Variants in ANKRD26 observed in about 807,000 individuals in gnomAD.
The protein encoded by ANKRD26 is ankyrin repeat domain-containing protein 26.
A neutral mutation model predicts 208.7 loss-of-function variants in ANKRD26; 141 were observed. The ratio of observed to expected loss-of-function variants is 0.68; its 90% CI spans 0.59 to 0.78. ANKRD26 has a LOEUF of 0.78. Ranked by LOEUF, ANKRD26 falls within the 30% of genes least tolerant of loss-of-function variation. The probability of loss-of-function intolerance (pLI) is 0.00; values close to 1 mark genes in which losing one functional copy is unlikely to be tolerated. For missense variants in ANKRD26, 1,889 were observed against 1,938.7 expected, an observed-to-expected ratio of 0.97 and a Z score of 0.48; for synonymous variants, 636 against 660.4, an observed-to-expected ratio of 0.96 and a Z score of 0.57.
At position 27,079,911 on chromosome 10, in the gene ANKRD26, A is replaced by C. The variant is rs370983649; in HGVS notation, c.741-750T>G. On this transcript the variant is annotated intron_variant, in intron 6 of 33. Coordinates refer to ENST00000376087, the MANE Select transcript of ANKRD26 (RefSeq NM_014915.3). Reference sequence around the variant, plus strand: ...GGTGGCTCATCCCTGTAATCTCAGCACTTTGGGAGGCCGAGGCGGGCAGAT... The same window carrying C: ...GGTGGCTCATCCCTGTAATCTCAGCCCTTTGGGAGGCCGAGGCGGGCAGAT... 11 of 169,696 alleles carry C rather than the reference A, an allele frequency of 6.5e-5. No homozygotes were observed. In the East Asian group the frequency reaches 1.1e-3, roughly 17 times the overall value. The allele number at this position is 169,696 out of a possible 1,614,324, so 10.5% of individuals were successfully genotyped here.
At chr10:26,981,776 C>CA (rs1250118844) in intron 4 of ANKRD26, among the ~76,000 whole-genome samples, 1 of 152,160 alleles carries the variant, frequency 6.6e-6, no homozygotes. Flanking sequence ...AGGAGTGTGT[C>CA]AGACCCAATG....
rs149004234 is a variant in ANKRD26, at chr10:27,075,447, C to G, written c.1077+1891G>C. On this transcript the variant is annotated intron_variant, in intron 9 of 33. Transcript: ENST00000376087. ...CAAAAGTGAGCAGGAGTAGCTATTCCTATATCAGATAAAACAGAGTTTAAA... is the reference window on the plus strand; with the variant it reads ...CAAAAGTGAGCAGGAGTAGCTATTCGTATATCAGATAAAACAGAGTTTAAA... Among the ~76,000 whole-genome samples the G allele has an allele frequency of 1.8e-3, 274 of 152,172 alleles. 1 individual carries two copies. The highest frequency in any genetic ancestry group is 6.2e-3 in the African/African-American group (258 of 41,546).
At chr10:26,980,445 A>G (rs2052290420) in intron 5 of ANKRD26, among the ~76,000 whole-genome samples, 1 of 152,254 alleles carries the variant, frequency 6.6e-6, no homozygotes, top group African/African-American at 2.4e-5. Context: ...GACACGGGCC[A>G]TATGACGAGT....
chr10:27,098,885 A>G (rs994571773), intron 1 of ANKRD26, among the ~76,000 whole-genome samples: 2 of 152,160 alleles, frequency 1.3e-5, no homozygotes, highest in Non-Finnish European at 2.9e-5. Flanking sequence ...TTCAGCTAAC[A>G]CAAGACCACA....
the ANKRD26 span, among the ~76,000 whole-genome samples, chr10:26,952,867 A>G: frequency 3.9e-4 from 59 of 152,306 alleles, no homozygotes; most frequent in African/African-American, 1.4e-3. Flanking sequence ...CTGCTAAAGA[A>G]CAGACTTCTC....
chr10:27,071,075 T>C (rs758149265), intron 9 of ANKRD26, among the ~76,000 whole-genome samples: 9 of 152,064 alleles, frequency 5.9e-5, no homozygotes, highest in Non-Finnish European at 1.3e-4. Flanking sequence ...ATTTGGTGTA[T>C]GCGTATGTGT....
At chr10:27,098,203 G>T (rs1284237260) in intron 1 of ANKRD26, among the ~76,000 whole-genome samples, 1 of 150,988 alleles carries the variant, frequency 6.6e-6, no homozygotes. Flanking sequence ...TAGAGACAGG[G>T]TCTTGCTATG....
At chr10:26,977,092 A>G (rs1326875814) in intron 5 of ANKRD26, among the ~76,000 whole-genome samples, 2 of 152,224 alleles carry the variant, frequency 1.3e-5, no homozygotes, top group Non-Finnish European at 2.9e-5. Context: ...AATTTGCTTA[A>G]TACCTATTCT....
chr10:26,951,144 G>T, the ANKRD26 span, among the ~76,000 whole-genome samples: 1 of 150,020 alleles, frequency 6.7e-6, no homozygotes, highest in African/African-American at 2.5e-5. Flanking sequence ...GACATGCTTT[G>T]CTCTCTGTAT....
At chr10:27,038,582 C>T (rs767416657) in intron 21 of ANKRD26, among the ~76,000 whole-genome samples, 4 of 150,490 alleles carry the variant, frequency 2.7e-5, no homozygotes, top group African/African-American at 7.3e-5. Context: ...ACCCGGGAGG[C>T]GGATGTTGCA....
chr10:27,012,932 T>A lies in ANKRD26; in HGVS notation c.4903A>T (p.Thr1635Ser). ...TTATTTGAAGCCCGTGGATTTGAGG[T>A]AGAGATCACTAAGTTTTCTCTTGGA... ...LIPRENLVISTSNPRASNNSM... is the reference protein window; with the variant it reads ...LIPRENLVISSSNPRASNNSM... The change falls in exon 32 of 34, where the codon ACC becomes TCC. Residue 1635 changes from threonine (T) to serine (S), a missense_variant. By Grantham distance (58) the Thr-to-Ser change is moderately conservative (BLOSUM62 1). Transcript: ENST00000376087. The A allele has an allele frequency of 6.2e-7, 1 of 1,614,072 alleles. No homozygotes were observed. Among genetic ancestry groups the A allele is most frequent in the Non-Finnish European group, 8.5e-7 (1 of 1,179,928 alleles).
intron 4 of ANKRD26, among the ~76,000 whole-genome samples, chr10:27,090,282 C>T (rs1007476142): frequency 3.9e-5 from 6 of 152,042 alleles, no homozygotes; most frequent in South Asian, 2.1e-4. Flanking sequence ...CCCATCTCTA[C>T]TAAAAATACA....
intron 32 of ANKRD26, among the ~76,000 whole-genome samples, chr10:27,010,857 T>C (rs1438875240): frequency 5.9e-5 from 9 of 152,174 alleles, no homozygotes; most frequent in African/African-American, 2.2e-4. Flanking sequence ...TAGGAAAATT[T>C]CATGACTCTG....
At position 26,984,883 on chromosome 10, in the gene ANKRD26, C is replaced by G. The variant is rs570665475; in HGVS notation, c.490-2070G>C. 2.0e-5 allele frequency among the ~76,000 whole-genome samples: 3 copies of G among 152,246 alleles called. No individual in the cohort carries two copies. In the East Asian group the frequency reaches 5.8e-4, roughly 29 times the overall value. On this transcript the variant is annotated intron_variant and NMD_transcript_variant, in intron 3 of 5. Transcript: ENST00000674670. Reference sequence around the variant, plus strand: ...ATACCATTGGTCCTTTCCACCAGCCCTGAAGACTGAGGGTGGTAGGCACAA... The same window carrying G: ...ATACCATTGGTCCTTTCCACCAGCCGTGAAGACTGAGGGTGGTAGGCACAA...
Position 26,983,247 on chromosome 10 carries a change from T to A in ANKRD26, c.490-434A>T, listed in dbSNP as rs548403727. 2.0e-5 allele frequency among the ~76,000 whole-genome samples: 3 copies of A among 152,220 alleles called. No homozygotes were observed. In the South Asian group the frequency reaches 6.2e-4, roughly 32 times the overall value. ...TTGTGGTATAAAGATAGAAGCTGAG[T>A]AATCATACCATTGGAATACAGAATG... On this transcript the variant is annotated intron_variant and NMD_transcript_variant, in intron 3 of 5. Coordinates refer to the ANKRD26 transcript ENST00000674670.
chr10:27,005,015 C>T lies in ANKRD26; in HGVS notation c.*575G>A, dbSNP rs552558086. On this transcript the variant is annotated 3_prime_UTR_variant, in exon 34 of 34. Transcript: ENST00000376087. ...TTGTTCGGAGGAGAAAGTCTTTGTACTAAAACTTCGAAATTTTCTCTAAAC... is the reference window on the plus strand; with the variant it reads ...TTGTTCGGAGGAGAAAGTCTTTGTATTAAAACTTCGAAATTTTCTCTAAAC... 4.1e-6 allele frequency: 4 copies of T among 982,316 alleles called. No individual in the cohort carries two copies. Among genetic ancestry groups the T allele is most frequent in the Admixed American group, 6.1e-5 (1 of 16,266 alleles). The allele number at this position is 982,316 out of a possible 1,614,324, so 60.8% of individuals were successfully genotyped here.
chr10:27,043,693 T>C (rs2054342267), intron 19 of ANKRD26, 126 bp from the exon 20 acceptor site: 1 of 886,394 alleles, frequency 1.1e-6, no homozygotes, highest in Non-Finnish European at 1.7e-6. Flanking sequence ...CTGATTTTTG[T>C]TAAAAGGATT....
At chr10:27,038,419 G>A (rs1359630710) in intron 21 of ANKRD26, among the ~76,000 whole-genome samples, 2 of 152,144 alleles carry the variant, frequency 1.3e-5, no homozygotes, top group African/African-American at 4.8e-5. Flanking sequence ...GGAGGCCGAG[G>A]CGCGCAGATC....
chr10:27,046,477 C>A lies in ANKRD26; in HGVS notation c.1861G>T (p.Glu621Ter). 6.2e-7 allele frequency: 1 copy of A among 1,614,020 alleles called. No individual in the cohort carries two copies. The highest frequency in any genetic ancestry group is 1.1e-5 in the South Asian group (1 of 91,078). The part of the protein sequence containing the change: ...QMKEVKSTEK[E>*]KRTSKESVNS... The stretch of plus-strand genomic sequence containing the variant: ...ACAGATTCTTTCGAGGTCCGTTTTT[C>A]TTTTTCAGTGCTCTTTACTTCCTTC... The change falls in exon 18 of 34, where the codon GAA becomes TAA. Residue 621 changes from glutamate to a stop codon, truncating the protein, a stop_gained. Coordinates refer to ENST00000376087, the MANE Select transcript of ANKRD26 (RefSeq NM_014915.3). LOFTEE classifies it high-confidence loss of function.
Sources: gnomAD v4.1 joint callset for allele counts (sites outside exome capture counted in the v4.1 genomes callset) on GRCh38, gnomAD v4.1.1 for gene constraint, MANE v1.5 for transcripts, NCBI Gene and HGNC (gene_info 2026-07-23, HGNC 2026-07-21) for gene names.